The following DGKB variants were observed in gnomAD, a reference collection of about 807,000 sequenced individuals.
DGKB encodes diacylglycerol kinase beta.
DGKB carries 67 observed loss-of-function variants against 114.3 expected under a neutral mutation model. The ratio of observed to expected loss-of-function variants is 0.59; its 90% CI spans 0.48 to 0.72. The LOEUF (loss-of-function observed/expected upper bound fraction) is 0.72. DGKB is among the 30% of genes least tolerant of loss of function. The pLI, the probability that DGKB is intolerant of heterozygous loss-of-function variation, is 0.00. For missense variants in DGKB, 907 were observed against 975.2 expected (o/e 0.93, Z 0.93); for synonymous variants, 398 against 323.1 (o/e 1.23, Z -2.49).
chr7:14,832,552 G>A (rs7784739), intron 2 of DGKB, among the ~76,000 whole-genome samples: 66,899 of 151,724 alleles, frequency 0.44, 15,685 homozygotes, highest in South Asian at 0.62. Context: ...ATCACCAGTG[G>A]CATTCTAAAT....
At chr7:14,450,510 G>A (rs1831329371) in intron 21 of DGKB, among the ~76,000 whole-genome samples, 1 of 152,014 alleles carries the variant, frequency 6.6e-6, no homozygotes, top group African/African-American at 2.4e-5. Context: ...GGAGGAGGTG[G>A]GTGGCAAAGC....
At chr7:14,606,480 G>T (rs77677324) in intron 17 of DGKB, among the ~76,000 whole-genome samples, 12,440 of 151,874 alleles carry the variant, frequency 0.082, 1,165 homozygotes, top group African/African-American at 0.23. Flanking sequence ...GTATTTTTTG[G>T]GTAAGACACT....
chr7:14,515,402 T>A (rs12699625), intron 20 of DGKB, among the ~76,000 whole-genome samples: 51,688 of 152,068 alleles, frequency 0.34, 9,439 homozygotes, highest in Admixed American at 0.45. Context: ...ATGGATTGTA[T>A]CTCTGATGTC....
chr7:14,502,563 G>A (rs974677869), intron 20 of DGKB, among the ~76,000 whole-genome samples: 1 of 152,022 alleles, frequency 6.6e-6, no homozygotes, highest in Non-Finnish European at 1.5e-5. Context: ...TAATTCTGAA[G>A]TACTTTTGGC....
chr7:14,172,929 C>G (rs1584239730), intron 25 of DGKB, among the ~76,000 whole-genome samples: 1 of 152,036 alleles, frequency 6.6e-6, no homozygotes, highest in Admixed American at 6.6e-5. Context: ...TCTACATGCT[C>G]AGGAGGAAGG....
At position 14,223,652 on chromosome 7, in the gene DGKB, A is replaced by G. The variant is rs183193658; in HGVS notation, c.2123-45501T>C. ...TAATATCTGGGGTCAGTTGCTTTCA[A>G]CCTGCACACTTGCCTTTATTACTCA... is the stretch of plus-strand genomic sequence containing the variant. On this transcript the variant is annotated intron_variant, in intron 23 of 25. Transcript: ENST00000402815. Among the ~76,000 whole-genome samples, 9 of 151,898 alleles carry G rather than the reference A, an allele frequency of 5.9e-5. No individual in the cohort carries two copies. The East Asian group carries it at 1.6e-3, about 26-fold the overall frequency.
chr7:14,478,298 T>C (rs1782490703), intron 20 of DGKB, 73 bp from the exon 21 acceptor site: 6 of 871,706 alleles, frequency 6.9e-6, no homozygotes, highest in Non-Finnish European at 1.0e-5. Flanking sequence ...GTAGACTAAA[T>C]AAAAAAATAA....
At chr7:14,909,703 A>T (rs1041846272) in intron 1 of DGKB, among the ~76,000 whole-genome samples, 1 of 152,182 alleles carries the variant, frequency 6.6e-6, no homozygotes, top group East Asian at 1.9e-4. Context: ...TTATTCCTCA[A>T]TTGGGATGAC....
chr7:14,974,032 AT>A (rs1203738853), intron 1 of DGKB, among the ~76,000 whole-genome samples: 1 of 151,866 alleles, frequency 6.6e-6, no homozygotes, highest in African/African-American at 2.4e-5. Context: ...TTTGGCTCAG[AT>A]CAAATAAAAA....
chr7:14,858,376 C>T (rs934840044), intron 1 of DGKB, among the ~76,000 whole-genome samples: 1 of 152,078 alleles, frequency 6.6e-6, no homozygotes, highest in African/African-American at 2.4e-5. Context: ...TATGAACATA[C>T]TTTTCTCTTA....
intron 23 of DGKB, among the ~76,000 whole-genome samples, chr7:14,241,339 A>G (rs1305923522): frequency 2.0e-5 from 3 of 152,254 alleles, no homozygotes; most frequent in Non-Finnish European, 2.9e-5. Context: ...CTGTAATTCT[A>G]TAAAGGTCAG....
intron 17 of DGKB, among the ~76,000 whole-genome samples, chr7:14,596,971 A>C (rs989822557): frequency 6.6e-6 from 1 of 152,252 alleles, no homozygotes; most frequent in African/African-American, 2.4e-5. Context: ...TAGTCTTGAA[A>C]GGAGTCCTTG....
chr7:14,331,879 G>C (rs1176679962), intron 23 of DGKB, among the ~76,000 whole-genome samples: 2 of 152,140 alleles, frequency 1.3e-5, no homozygotes, highest in African/African-American at 4.8e-5. Flanking sequence ...CTTGAGTAGA[G>C]ATACTCCTTG....
intron 1 of DGKB, among the ~76,000 whole-genome samples, chr7:14,853,099 C>G (rs151237916): frequency 1.2e-4 from 19 of 152,218 alleles, no homozygotes; most frequent in African/African-American, 4.3e-4. Flanking sequence ...TGCTGTTATT[C>G]AACCTCAAAA....
At chr7:14,288,644 C>G (rs766421960) in intron 23 of DGKB, among the ~76,000 whole-genome samples, 1 of 152,102 alleles carries the variant, frequency 6.6e-6, no homozygotes, top group Non-Finnish European at 1.5e-5. Flanking sequence ...ACCCCTTATT[C>G]CTACTCTTTG....
intron 23 of DGKB, among the ~76,000 whole-genome samples, chr7:14,288,131 C>A (rs1562846082): frequency 6.6e-6 from 1 of 150,404 alleles, no homozygotes; most frequent in Non-Finnish European, 1.5e-5. Context: ...CCAGAAAGAC[C>A]ATGTTTTCTT....
At chr7:14,633,594 T>C (rs1415685848) in intron 13 of DGKB, among the ~76,000 whole-genome samples, 2 of 151,924 alleles carry the variant, frequency 1.3e-5, no homozygotes, top group African/African-American at 4.8e-5. Context: ...CACTTCTTTT[T>C]TTACTCTCCT....
At chr7:14,162,289 T>C (rs1784015655) in intron 25 of DGKB, among the ~76,000 whole-genome samples, 1 of 152,222 alleles carries the variant, frequency 6.6e-6, no homozygotes, top group Non-Finnish European at 1.5e-5. Context: ...ATTATTCTGA[T>C]GATAACCATC....
chr7:14,447,518 A>G (rs1220253662), intron 21 of DGKB, among the ~76,000 whole-genome samples: 1 of 152,132 alleles, frequency 6.6e-6, no homozygotes, highest in Non-Finnish European at 1.5e-5. Context: ...GTTGATATAC[A>G]CTGATAATTT....
Sources: allele counts gnomAD v4.1 joint callset (sites outside exome capture counted in the v4.1 genomes callset), GRCh38; gene constraint gnomAD v4.1.1; transcripts MANE v1.5; gene names NCBI Gene and HGNC (gene_info 2026-07-23, HGNC 2026-07-21).